The following SYNE1 variants were observed in gnomAD, a reference collection of about 807,000 sequenced individuals.
SYNE1 encodes nesprin-1.
A neutral mutation model predicts 1,111.0 loss-of-function variants in SYNE1; 616 were observed. That is an observed-to-expected ratio of 0.55 (90% CI 0.52 to 0.59). The LOEUF is 0.59. Among genes scored for constraint, SYNE1 ranks in the 20% least tolerant of loss-of-function variants. The pLI, the probability that SYNE1 is intolerant of heterozygous loss-of-function variation, is 0.00. For synonymous variants in SYNE1, 3,855 were observed against 3,825.8 expected (o/e 1.01, Z -0.28); for missense variants, 10,006 against 10,417.0 (o/e 0.96, Z 1.72).
Position 152,130,702 on chromosome 6 carries a change from A to T in SYNE1, c.26153+18T>A, listed in dbSNP as rs1057523744. The T allele has an allele frequency of 4.3e-6, 7 of 1,613,984 alleles. No individual in the cohort carries two copies. The highest frequency in any genetic ancestry group is 1.1e-5 in the South Asian group (1 of 91,048). On this transcript the variant is annotated intron_variant, in intron 145 of 145. Coordinates refer to ENST00000367255, the MANE Select transcript of SYNE1 (RefSeq NM_182961.4). ...CTTGGGGTTCTAGAACAGTGTGGAA[A>T]CCAGGAGAAGGAGGTACCTGCTATG...
chr6:152,407,420 G>A (rs1306054060), intron 44 of SYNE1, among the ~76,000 whole-genome samples: 1 of 152,128 alleles, frequency 6.6e-6, no homozygotes, highest in African/African-American at 2.4e-5. Flanking sequence ...CTGAGACATT[G>A]CATTTTCATT....
In SYNE1 at chr6:152,390,354, C is replaced by G. The variant is rs1309492740; in HGVS notation, c.8103G>C (p.Arg2701Ser). 2.5e-6 allele frequency: 4 copies of G among 1,614,112 alleles called. No homozygotes were observed. Among genetic ancestry groups the G allele is most frequent in the Non-Finnish European group, 3.4e-6 (4 of 1,180,012 alleles). Residue 2701 changes from arginine to serine, a missense_variant, in exon 53 of 146, where the codon AGG becomes AGC. Transcript: ENST00000367255. ...GGGTCTCTAACTGAGTCTGAATCACCCTCTGACCTTCTTTGTTGCTACTTC... is the reference window on the plus strand; with the variant it reads ...GGGTCTCTAACTGAGTCTGAATCACGCTCTGACCTTCTTTGTTGCTACTTC... ...ALRSSNKEGQRVIQTQLETLK... is the reference protein window; with the variant it reads ...ALRSSNKEGQSVIQTQLETLK...
chr6:152,163,212 AG>A (rs1306386859), intron 131 of SYNE1, among the ~76,000 whole-genome samples: 1 of 152,126 alleles, frequency 6.6e-6, no homozygotes, highest in Non-Finnish European at 1.5e-5. Flanking sequence ...AGGATAAATG[AG>A]GGGGCCTGGC....
intron 53 of SYNE1, among the ~76,000 whole-genome samples, chr6:152,389,409 C>A (rs975607204): frequency 6.6e-6 from 1 of 152,134 alleles, no homozygotes; most frequent in African/African-American, 2.4e-5. Context: ...TTTGTATGAA[C>A]TTTAATCTTC....
At chr6:152,215,939 C>T (rs1377273746) in intron 121 of SYNE1, among the ~76,000 whole-genome samples, 5 of 152,280 alleles carry the variant, frequency 3.3e-5, no homozygotes, top group African/African-American at 4.8e-5. Flanking sequence ...GTCTCTGACC[C>T]GCCACCCCAC....
At chr6:152,341,658 C>T (rs928245268) in intron 74 of SYNE1, among the ~76,000 whole-genome samples, 32 of 152,144 alleles carry the variant, frequency 2.1e-4, no homozygotes, top group African/African-American at 6.3e-4. Flanking sequence ...CCATTGTAAG[C>T]GGATTCTCCA....
intron 98 of SYNE1, among the ~76,000 whole-genome samples, chr6:152,275,838 G>A (rs930829333): frequency 9.4e-5 from 14 of 149,136 alleles, no homozygotes; most frequent in South Asian, 4.2e-4. Context: ...CTGAGATTGC[G>A]TCCCTGCACT....
chr6:152,203,805 AT>A (rs1412345647), intron 126 of SYNE1, among the ~76,000 whole-genome samples: 6 of 152,056 alleles, frequency 3.9e-5, no homozygotes, highest in Admixed American at 2.0e-4. Flanking sequence ...CTTAGAGTGC[AT>A]AACCACATTC....
chr6:152,328,388 A>T (rs201469773), intron 78 of SYNE1, among the ~76,000 whole-genome samples: 5 of 126,826 alleles, frequency 3.9e-5, no homozygotes, highest in African/African-American at 1.7e-4. Flanking sequence ...TATTTTATTT[A>T]TTTATTTATT....
intron 2 of SYNE1, among the ~76,000 whole-genome samples, chr6:152,629,690 CA>C (rs2099694579): frequency 6.6e-6 from 1 of 151,930 alleles, no homozygotes; most frequent in Non-Finnish European, 1.5e-5. Context: ...AATAATTAGA[CA>C]GAAAGAAGAG....
chr6:152,201,936 C>T lies in SYNE1; in HGVS notation c.23033G>A (p.Cys7678Tyr), dbSNP rs1453440922. The T allele has an allele frequency of 5.6e-6, 9 of 1,613,842 alleles. No homozygotes were observed. The highest frequency in any genetic ancestry group is 7.6e-6 in the Non-Finnish European group (9 of 1,179,890). Residue 7678 changes from cysteine to tyrosine, a missense_variant, in exon 127 of 146, where the codon TGT (cysteine) becomes TAT (tyrosine). By Grantham distance (194) the Cys-to-Tyr change is radical. Transcript: ENST00000367255. ...LAFLLKDWEKCEKGIADSLEK... is the reference protein window; with the variant it reads ...LAFLLKDWEKYEKGIADSLEK... ...CAGGGAATCTGCTATTCCTTTCTCA[C>T]ATTTTTCCCAGTCCTATCATGGGAA... is the stretch of plus-strand genomic sequence containing the variant.
chr6:152,224,243 G>A (rs773453729), intron 117 of SYNE1, among the ~76,000 whole-genome samples: 3 of 152,112 alleles, frequency 2.0e-5, no homozygotes, highest in Admixed American at 6.5e-5. Context: ...TATAAAAGAC[G>A]ATGTGAATAT....
chr6:152,297,149 T>C (rs1589519362), intron 93 of SYNE1, among the ~76,000 whole-genome samples: 2 of 152,116 alleles, frequency 1.3e-5, no homozygotes, highest in Non-Finnish European at 2.9e-5. Flanking sequence ...TCAGTCTCAT[T>C]TCCCCCTCTC....
At chr6:152,525,097 G>A (rs775975798) in intron 5 of SYNE1, among the ~76,000 whole-genome samples, 1 of 152,192 alleles carries the variant, frequency 6.6e-6, no homozygotes, top group Non-Finnish European at 1.5e-5. Flanking sequence ...GGTGCCAGAA[G>A]CATCTGCTAC....
In SYNE1 at chr6:152,399,516, GAA is replaced by G. The variant is rs2097781322; in HGVS notation, c.7237+98_7237+99del. On this transcript the variant is annotated intron_variant, in intron 48 of 145. Coordinates refer to ENST00000367255, the MANE Select transcript of SYNE1 (RefSeq NM_182961.4). The stretch of plus-strand genomic sequence containing the variant: ...CAAACAAATTTGAAATGACACCCTG[GAA>G]AGTTTCCTCAAACTTTTGCTGGCAG... 18 of 1,405,732 alleles carry G rather than the reference GAA, an allele frequency of 1.3e-5. No homozygotes were observed. In the South Asian group the frequency reaches 1.7e-4, roughly 14 times the overall value. 87.1% of individuals were successfully genotyped at this position (1,405,732 alleles called of 1,614,324 possible). A position where few individuals can be genotyped will look rare whatever the true frequency, so the allele number is the denominator to read the frequency against.
chr6:152,229,304 A>G (rs2082233830), intron 115 of SYNE1, among the ~76,000 whole-genome samples: 1 of 152,200 alleles, frequency 6.6e-6, no homozygotes, highest in African/African-American at 2.4e-5. Flanking sequence ...ATTTTCAAAA[A>G]TCTTATTACT....
At chr6:152,311,467 T>C (rs1370167320) in intron 87 of SYNE1, among the ~76,000 whole-genome samples, 1 of 152,134 alleles carries the variant, frequency 6.6e-6, no homozygotes, top group Non-Finnish European at 1.5e-5. Context: ...CTATCAGAAA[T>C]ACAATGGATA....
Position 152,447,508 on chromosome 6 carries a change from G to A in SYNE1, c.3619C>T (p.Leu1207=). Residue 1207 remains leucine, a synonymous_variant, in exon 29 of 146, where the codon CTG becomes TTG. Transcript: ENST00000367255. ...TTGAAAGAGCTGGATAATTTTGCCA[G>A]CTCATCTCCCTGCTTTTGGGCTTCA... ...ENEAQKQGDE[L]AKLSSSFKAL... is the part of the protein sequence containing the mutation. The A allele has an allele frequency of 6.2e-7, 1 of 1,614,194 alleles. No individual in the cohort carries two copies. Among genetic ancestry groups the A allele is most frequent in the Non-Finnish European group, 8.5e-7 (1 of 1,180,032 alleles).
intron 67 of SYNE1, 70 bp from the exon 68 acceptor site, chr6:152,353,814 T>C: frequency 6.3e-7 from 1 of 1,586,774 alleles, no homozygotes; most frequent in Non-Finnish European, 8.6e-7. Context: ...GTATATCTTC[T>C]TATAGGAAAT....
Sources: allele counts gnomAD v4.1 joint callset (sites outside exome capture counted in the v4.1 genomes callset), GRCh38; gene constraint gnomAD v4.1.1; transcripts MANE v1.5; gene names NCBI Gene and HGNC (gene_info 2026-07-23, HGNC 2026-07-21).